EVC: variants seen among roughly 807,000 people sequenced by gnomAD.
EVC encodes EvC ciliary complex subunit 1.
Under a neutral mutation model 118.9 loss-of-function variants are expected in EVC, and 116 were observed. The observed-to-expected ratio is 0.98, with a 90% CI of 0.84 to 1.14. The LOEUF is 1.14. Among genes scored for constraint, EVC ranks in the 50% most tolerant of loss-of-function variants. The probability of loss-of-function intolerance (pLI) is 0.00; values close to 1 mark genes in which losing one functional copy is unlikely to be tolerated. For missense variants in EVC, 1,401 were observed against 1,246.4 expected (o/e 1.12, Z -1.87); for synonymous variants, 619 against 534.7 (o/e 1.16, Z -2.18).
chr4:5,825,976 CAG>C, the EVC span: 1 of 393,458 alleles, frequency 2.5e-6, no homozygotes, highest in Non-Finnish European at 4.6e-6. This position sits in a 1 kb window ranked among gnomAD's most constrained non-coding sequence, Gnocchi z 4.4. Context: ...AGTAACAAAA[CAG>C]GCCTACACAG....
chr4:5,808,426 C>T (rs931398195), intron 18 of EVC, 99 bp downstream of exon 18: 1 of 1,559,200 alleles, frequency 6.4e-7, no homozygotes, highest in Non-Finnish European at 8.8e-7. Flanking sequence ...ATGGGGACTG[C>T]ACTTCCCTGC....
At chr4:5,728,340 G>A (rs1726204189) in intron 2 of EVC, among the ~76,000 whole-genome samples, 2 of 151,682 alleles carry the variant, frequency 1.3e-5, no homozygotes, top group Non-Finnish European at 2.9e-5. Context: ...AAGCAATTGT[G>A]AATGGGAGTT....
chr4:5,741,544 A>G (rs915099325), intron 5 of EVC, among the ~76,000 whole-genome samples, 172 bp from the exon 6 acceptor site: 1 of 152,218 alleles, frequency 6.6e-6, no homozygotes, highest in Non-Finnish European at 1.5e-5. Flanking sequence ...GTCATGATTT[A>G]TAATCGGAGT....
At chr4:5,790,954 G>A (rs1031947506) in intron 12 of EVC, among the ~76,000 whole-genome samples, 1 of 152,162 alleles carries the variant, frequency 6.6e-6, no homozygotes, top group East Asian at 1.9e-4. Context: ...CATTAACTGG[G>A]CGTGGTGGCG....
Position 5,783,674 on chromosome 4 carries a change from G to T in EVC, c.1686G>T (p.Gln562His). 1 of 1,614,212 alleles carries T rather than the reference G, an allele frequency of 6.2e-7. No homozygotes were observed. Among genetic ancestry groups the T allele is most frequent in the East Asian group, 2.2e-5 (1 of 44,876 alleles). ...GTGACTACTTGAGGCAGGAAGTCCA[G>T]GAGAACGCTGCCTGGCAGCTGGGGA... ...EECDYLRQEV[Q>H]ENAAWQLGKS... Residue 562 changes from glutamine (Q) to histidine (H), a missense_variant, in exon 12 of 21, where the codon CAG becomes CAT. Gln to His is a conservative substitution (Grantham distance 24). Transcript: ENST00000264956.
chr4:5,775,635 G>T (rs1003287363), intron 11 of EVC, among the ~76,000 whole-genome samples: 1 of 152,146 alleles, frequency 6.6e-6, no homozygotes, highest in Non-Finnish European at 1.5e-5. Context: ...TCATTGCTGT[G>T]GAGTGTTCTG....
chr4:5,768,750 G>A (rs552046510), intron 11 of EVC, among the ~76,000 whole-genome samples: 64 of 152,050 alleles, frequency 4.2e-4, no homozygotes, highest in African/African-American at 9.4e-4. Context: ...CCAGCTACTC[G>A]GGAGGCTGAG....
rs151293268 is a variant in EVC at position 5,785,498 on chromosome 4, G to A, written c.1776+1734G>A. ...AAGTACAAAGTAGATAGAGGAGAGC[G>A]TTATGCAAACACATGACCACTCACA... On this transcript the variant is annotated intron_variant, in intron 12 of 20. Coordinates refer to ENST00000264956, the MANE Select transcript of EVC (RefSeq NM_153717.3). Among the ~76,000 whole-genome samples the A allele has an allele frequency of 2.9e-3, 442 of 152,352 alleles. 1 individual carries two copies. The highest frequency in any genetic ancestry group is 3.7e-3 in the Non-Finnish European group (255 of 68,032).
chr4:5,718,811 A>G (rs6831761), intron 1 of EVC, among the ~76,000 whole-genome samples: 122,352 of 152,202 alleles, frequency 0.8, 49,536 homozygotes, highest in African/African-American at 0.89. Context: ...AGGTCACCTA[A>G]CATATTGTCT....
chr4:5,811,050 C>A lies in EVC; in HGVS notation c.*13C>A. On this transcript the variant is annotated 3_prime_UTR_variant, in exon 21 of 21. Transcript: ENST00000264956. ...AAGCAACTTGTAGTTTAAGACCAGT[C>A]GGTGGGACAAGACCTGAAGCCCTGG... is the stretch of plus-strand genomic sequence containing the variant. 2 of 1,603,962 alleles carry A rather than the reference C, an allele frequency of 1.2e-6. No homozygotes were observed. The highest frequency in any genetic ancestry group is 1.1e-5 in the South Asian group (1 of 89,398).
At chr4:5,796,741 G>A (rs1232111327) in intron 13 of EVC, among the ~76,000 whole-genome samples, 1 of 151,890 alleles carries the variant, frequency 6.6e-6, no homozygotes, top group East Asian at 1.9e-4. Context: ...CTGATTTAGA[G>A]TCATGCCATT....
At chr4:5,744,037 A>G (rs1305689511) in intron 6 of EVC, among the ~76,000 whole-genome samples, 1 of 152,242 alleles carries the variant, frequency 6.6e-6, no homozygotes, top group Non-Finnish European at 1.5e-5. Context: ...AACTTAAGCA[A>G]GCATGTTAAT....
intron 2 of EVC, among the ~76,000 whole-genome samples, chr4:5,720,440 C>T (rs2151851214): frequency 6.6e-6 from 1 of 152,284 alleles, no homozygotes; most frequent in Non-Finnish European, 1.5e-5. Flanking sequence ...TTTGCCAGGC[C>T]CCTGCTCCAG....
rs150795716 is a variant in EVC, at chr4:5,751,911, C to A, written c.1099-925C>A. ...ACCAGGCAGGTGTGCAGGACAGGGCCCCACAGAACTTCCTGCACCATGCCT... is the reference window on the plus strand; with the variant it reads ...ACCAGGCAGGTGTGCAGGACAGGGCACCACAGAACTTCCTGCACCATGCCT... On this transcript the variant is annotated intron_variant, in intron 8 of 20. Transcript: ENST00000264956. Among the ~76,000 whole-genome samples, 845 of 152,242 alleles carry A rather than the reference C, an allele frequency of 5.6e-3. 3 individuals carry two copies. Among genetic ancestry groups the A allele is most frequent in the Middle Eastern group, 0.027 (8 of 292 alleles).
intron 11 of EVC, among the ~76,000 whole-genome samples, chr4:5,769,802 A>C (rs956216172): frequency 2.0e-5 from 3 of 152,176 alleles, no homozygotes; most frequent in African/African-American, 7.2e-5. Flanking sequence ...AGGGCTGAGA[A>C]AAAGAGAAAA....
chr4:5,729,402 G>C lies in EVC; in HGVS notation c.384+12G>C, dbSNP rs1192867917. 6.2e-7 allele frequency: 1 copy of C among 1,613,250 alleles called. No homozygotes were observed. ...ATCAGAAGTTCCGGGTGAGAGTCCT[G>C]AGCTCCATCATAGAAAGCCAGTTAC... On this transcript the variant is annotated intron_variant, in intron 3 of 20. Transcript: ENST00000264956.
intron 17 of EVC, among the ~76,000 whole-genome samples, chr4:5,807,190 G>A (rs1716055994): frequency 6.6e-6 from 1 of 152,164 alleles, no homozygotes; most frequent in African/African-American, 2.4e-5. Flanking sequence ...CTTTGTCTCA[G>A]AACCCAGCAC....
At position 5,793,652 on chromosome 4, in the gene EVC, C is replaced by G. The variant is rs779056864; in HGVS notation, c.1821C>G (p.His607Gln). ...ECALSSVLQT[H>Q]LREDHEGTIR... ...CGCTGTCCAGCGTGCTGCAGACACA[C>G]CTGCGGGAGGACCACGAGGGCACCA... Residue 607 changes from histidine to glutamine, a missense_variant, in exon 13 of 21, where the codon CAC (histidine) becomes CAG (glutamine). Coordinates refer to ENST00000264956, the MANE Select transcript of EVC (RefSeq NM_153717.3). The G allele has an allele frequency of 1.5e-5, 23 of 1,552,852 alleles. No homozygotes were observed. The East Asian group carries it at 5.6e-4, about 38-fold the overall frequency.
At chr4:5,803,859 T>A (rs935933509) in intron 16 of EVC, among the ~76,000 whole-genome samples, 5 of 152,058 alleles carry the variant, frequency 3.3e-5, no homozygotes, top group African/African-American at 1.2e-4. Context: ...AATCCTATAG[T>A]TAGCTGTCCA....
Sources: gnomAD v4.1 joint callset for allele counts (sites outside exome capture counted in the v4.1 genomes callset) on GRCh38, gnomAD v4.1.1 for gene constraint, Gnocchi (gnomAD v3.1) non-coding constraint, MANE v1.5 for transcripts, NCBI Gene and HGNC (gene_info 2026-07-23, HGNC 2026-07-21) for gene names.